Variants in LHFPL3 observed in about 807,000 individuals in gnomAD.
The protein encoded by LHFPL3 is LHFPL tetraspan subfamily member 3.
LHFPL3 carries 5 observed loss-of-function variants against 19.3 expected under a neutral mutation model. The observed-to-expected ratio is 0.26, with a 90% confidence interval of 0.14 to 0.54. The LOEUF (loss-of-function observed/expected upper bound fraction) is 0.54, where lower values mean the gene tolerates loss of function less well. Ranked by LOEUF, LHFPL3 falls within the 20% of genes least tolerant of loss-of-function variation. The pLI is 0.94. For missense variants in LHFPL3, 249 were observed against 307.4 expected (o/e 0.81, Z 1.42); for synonymous variants, 133 against 126.2 (o/e 1.05, Z -0.36).
intron 1 of LHFPL3, among the ~76,000 whole-genome samples, chr7:104,381,319 A>G (rs937487543): frequency 4.6e-5 from 7 of 152,342 alleles, no homozygotes; most frequent in African/African-American, 1.4e-4. Context: ...GAGGTCTTCT[A>G]CTACTATTGG....
intron 1 of LHFPL3, among the ~76,000 whole-genome samples, chr7:104,364,006 A>G (rs906106261): frequency 1.3e-5 from 2 of 152,240 alleles, no homozygotes; most frequent in African/African-American, 2.4e-5. Flanking sequence ...TCTCATGAAC[A>G]TTCAGAATAA....
intron 1 of LHFPL3, among the ~76,000 whole-genome samples, chr7:104,445,745 G>C (rs1316743530): frequency 6.6e-6 from 1 of 152,168 alleles, no homozygotes; most frequent in African/African-American, 2.4e-5. Context: ...CGCAACTAAG[G>C]AAGTTAATTT....
intron 1 of LHFPL3, among the ~76,000 whole-genome samples, chr7:104,352,322 A>T (rs1355588765): frequency 1.3e-5 from 2 of 152,184 alleles, no homozygotes; most frequent in East Asian, 3.8e-4. Context: ...TTATATTTTA[A>T]CCATTTTACA....
chr7:104,552,014 C>A (rs1319170264), intron 1 of LHFPL3, among the ~76,000 whole-genome samples: 1 of 152,166 alleles, frequency 6.6e-6, no homozygotes, highest in Non-Finnish European at 1.5e-5. Flanking sequence ...ACCTTGTTGG[C>A]CCTTGTTCAG....
At chr7:104,842,888 T>C (rs1430556217) in intron 2 of LHFPL3, among the ~76,000 whole-genome samples, 1 of 152,254 alleles carries the variant, frequency 6.6e-6, no homozygotes, top group Non-Finnish European at 1.5e-5. Context: ...TGTTTGCACT[T>C]TTGCCTGAGC....
chr7:104,480,336 C>A (rs1443486451), intron 1 of LHFPL3, among the ~76,000 whole-genome samples: 1 of 152,120 alleles, frequency 6.6e-6, no homozygotes, highest in Admixed American at 6.5e-5. Context: ...ACCCCCCGTC[C>A]CCCCACCGCC....
intron 1 of LHFPL3, among the ~76,000 whole-genome samples, chr7:104,626,637 C>A (rs1488798032): frequency 6.6e-6 from 1 of 152,168 alleles, no homozygotes. Flanking sequence ...AGCACCCTTT[C>A]TGCTGCTTTT....
intron 2 of LHFPL3, among the ~76,000 whole-genome samples, chr7:104,820,088 C>T (rs1236947404): frequency 6.6e-6 from 1 of 152,154 alleles, no homozygotes; most frequent in Non-Finnish European, 1.5e-5. Flanking sequence ...CTCATCAGGA[C>T]ATTTGCACCT....
chr7:104,671,198 A>T (rs2116040752), intron 1 of LHFPL3, among the ~76,000 whole-genome samples: 1 of 152,224 alleles, frequency 6.6e-6, no homozygotes, highest in East Asian at 1.9e-4. Context: ...ATTGGCCAGT[A>T]GCTAAGAAGT....
At chr7:104,660,813 C>G (rs1430462257) in intron 1 of LHFPL3, among the ~76,000 whole-genome samples, 1 of 152,186 alleles carries the variant, frequency 6.6e-6, no homozygotes. Flanking sequence ...GCATAATACA[C>G]AGAAGTCAAG....
intron 1 of LHFPL3, among the ~76,000 whole-genome samples, chr7:104,385,676 A>ATTCATTCG (rs1482659352): frequency 6.6e-6 from 1 of 152,184 alleles, no homozygotes; most frequent in Non-Finnish European, 1.5e-5. Context: ...TTATTCATTC[A>ATTCATTCG]TTCATTCAAG....
intron 1 of LHFPL3, among the ~76,000 whole-genome samples, chr7:104,385,101 C>G (rs1380412630): frequency 2.0e-5 from 3 of 152,076 alleles, no homozygotes; most frequent in Non-Finnish European, 1.5e-5. Context: ...GTGACTCACG[C>G]CTGTAATCCC....
chr7:104,381,888 T>C (rs1183073309), intron 1 of LHFPL3, among the ~76,000 whole-genome samples: 2 of 152,250 alleles, frequency 1.3e-5, no homozygotes, highest in South Asian at 2.1e-4. Flanking sequence ...ATTGGAACGA[T>C]AGGAGACACC....
intron 2 of LHFPL3, among the ~76,000 whole-genome samples, chr7:104,774,832 G>A (rs1466960266): frequency 6.6e-6 from 1 of 152,114 alleles, no homozygotes; most frequent in Non-Finnish European, 1.5e-5. Flanking sequence ...TGGATTAAAG[G>A]CCTCATTCAG....
intron 2 of LHFPL3, among the ~76,000 whole-genome samples, chr7:104,776,542 C>T (rs1313083444): frequency 1.3e-5 from 2 of 152,204 alleles, no homozygotes; most frequent in Non-Finnish European, 2.9e-5. Flanking sequence ...GCCCTCCTCC[C>T]AAAGTTTCTG....
intron 1 of LHFPL3, among the ~76,000 whole-genome samples, chr7:104,419,251 C>T (rs1482270880): frequency 1.3e-5 from 2 of 152,174 alleles, no homozygotes; most frequent in African/African-American, 4.8e-5. Flanking sequence ...TAGGGACTAG[C>T]GTGTCACAGT....
At chr7:104,849,846 G>C (rs1304643192) in intron 2 of LHFPL3, among the ~76,000 whole-genome samples, 1 of 152,224 alleles carries the variant, frequency 6.6e-6, no homozygotes, top group East Asian at 1.9e-4. Flanking sequence ...CAAACAAGGT[G>C]GATCAGAAAA....
intron 1 of LHFPL3, among the ~76,000 whole-genome samples, chr7:104,373,177 CT>C (rs1347816711): frequency 1.3e-5 from 2 of 152,152 alleles, no homozygotes; most frequent in Non-Finnish European, 2.9e-5. Flanking sequence ...CCTTTCTCCC[CT>C]GTGACATCTA....
intron 1 of LHFPL3, among the ~76,000 whole-genome samples, chr7:104,620,206 A>G (rs1430929146): frequency 6.6e-6 from 1 of 152,162 alleles, no homozygotes; most frequent in East Asian, 1.9e-4. Flanking sequence ...CCCAGCCTTG[A>G]TACATCAGAG....
Sources: gnomAD v4.1 joint callset for allele counts (sites outside exome capture counted in the v4.1 genomes callset) on GRCh38, gnomAD v4.1.1 for gene constraint, MANE v1.5 for transcripts, NCBI Gene and HGNC (gene_info 2026-07-23, HGNC 2026-07-21) for gene names.